The following AGBL4 variants were observed in gnomAD, a reference collection of about 807,000 sequenced individuals.
The protein encoded by AGBL4 is cytosolic carboxypeptidase 6.
A neutral mutation model predicts 66.4 loss-of-function variants in AGBL4; 58 were observed. That is an observed-to-expected ratio of 0.87 (90% CI 0.71 to 1.09). The LOEUF is 1.09. Ranked by LOEUF, AGBL4 falls within the 50% of genes least tolerant of loss-of-function variation. The pLI is 0.00. For missense variants in AGBL4, 579 were observed against 631.0 expected (o/e 0.92, Z 0.88); for synonymous variants, 234 against 222.9 (o/e 1.05, Z -0.44).
chr1:48,762,264 T>C (rs1644300228), intron 6 of AGBL4, among the ~76,000 whole-genome samples: 1 of 152,212 alleles, frequency 6.6e-6, no homozygotes, highest in Admixed American at 6.5e-5. Flanking sequence ...TATAAAAGGA[T>C]ATTATTTCTA....
At position 49,957,796 on chromosome 1, in the gene AGBL4, A is replaced by G. The variant is rs1380361687; in HGVS notation, c.34+65967T>C. Among the ~76,000 whole-genome samples, 5 of 151,908 alleles carry G rather than the reference A, an allele frequency of 3.3e-5. No homozygotes were observed. In the East Asian group the frequency reaches 7.7e-4, roughly 23 times the overall value. On this transcript the variant is annotated intron_variant, in intron 1 of 13. Transcript: ENST00000371839. ...TCTCCTGAATACAGCACACTGATGGATCTTGACTGTTTATCCAATTTGCCA... is the reference window on the plus strand; with the variant it reads ...TCTCCTGAATACAGCACACTGATGGGTCTTGACTGTTTATCCAATTTGCCA...
At chr1:49,561,459 C>T (rs887173205) in intron 3 of AGBL4, among the ~76,000 whole-genome samples, 1 of 151,620 alleles carries the variant, frequency 6.6e-6, no homozygotes, top group African/African-American at 2.4e-5. Context: ...CGTCCCCCCT[C>T]CCCCCAACCC....
At chr1:49,597,969 T>A (rs1402328502) in intron 3 of AGBL4, among the ~76,000 whole-genome samples, 1 of 152,188 alleles carries the variant, frequency 6.6e-6, no homozygotes, top group Non-Finnish European at 1.5e-5. Context: ...CAAACAGAGA[T>A]AATTTGACTT....
intron 1 of AGBL4, among the ~76,000 whole-genome samples, chr1:49,931,673 T>C (rs552738550): frequency 6.6e-6 from 1 of 152,244 alleles, no homozygotes; most frequent in East Asian, 1.9e-4. Flanking sequence ...CTAAACAGTA[T>C]CAGATGGCAA....
At chr1:48,704,880 T>C (rs1425797460) in intron 6 of AGBL4, among the ~76,000 whole-genome samples, 1 of 152,234 alleles carries the variant, frequency 6.6e-6, no homozygotes, top group African/African-American at 2.4e-5. Flanking sequence ...CAGTCATTCA[T>C]TATCATTATC....
At chr1:48,745,611 C>T (rs534906302) in intron 6 of AGBL4, among the ~76,000 whole-genome samples, 66 of 152,294 alleles carry the variant, frequency 4.3e-4, no homozygotes, top group African/African-American at 1.5e-3. Flanking sequence ...TTGTCCAGAA[C>T]ATTCTACCCC....
Position 49,468,916 on chromosome 1 carries a change from C to G in AGBL4, c.283-223052G>C, listed in dbSNP as rs542219462. Among the ~76,000 whole-genome samples the G allele has an allele frequency of 7.9e-5, 12 of 151,910 alleles. No individual in the cohort carries two copies. The South Asian group carries it at 2.5e-3, about 32-fold the overall frequency. On this transcript the variant is annotated intron_variant, in intron 3 of 13. Transcript: ENST00000371839. ...TACATTTGTGAAATATAAAATTTCTCAAGATCTCAGCTCTTTGGATGACTA... is the reference window on the plus strand; with the variant it reads ...TACATTTGTGAAATATAAAATTTCTGAAGATCTCAGCTCTTTGGATGACTA...
At chr1:49,466,681 C>T (rs1452393083) in intron 3 of AGBL4, among the ~76,000 whole-genome samples, 1 of 151,786 alleles carries the variant, frequency 6.6e-6, no homozygotes, top group Non-Finnish European at 1.5e-5. Flanking sequence ...ACACTAGGGG[C>T]TCCTTCTTAC....
intron 2 of AGBL4, chr1:49,846,057 A>C: frequency 1.9e-6 from 3 of 1,590,430 alleles, no homozygotes; most frequent in Non-Finnish European, 2.6e-6. Flanking sequence ...ATTCAGCATC[A>C]GAGGATCCAC....
intron 6 of AGBL4, among the ~76,000 whole-genome samples, chr1:48,809,738 AT>A (rs1295922260): frequency 6.6e-6 from 1 of 152,024 alleles, no homozygotes; most frequent in Non-Finnish European, 1.5e-5. Flanking sequence ...TAAACTCTAA[AT>A]TACTCTTAGG....
intron 9 of AGBL4, among the ~76,000 whole-genome samples, chr1:48,610,574 A>C (rs1645222370): frequency 6.6e-6 from 1 of 152,202 alleles, no homozygotes; most frequent in African/African-American, 2.4e-5. Context: ...AATGTTGTTA[A>C]GGGGCCACTT....
At chr1:48,683,403 AACTGG>A (rs1207279777) in intron 6 of AGBL4, among the ~76,000 whole-genome samples, 1 of 152,206 alleles carries the variant, frequency 6.6e-6, no homozygotes, top group African/African-American at 2.4e-5. Flanking sequence ...CTCAGCTTTC[AACTGG>A]ACTGACAGAG....
intron 3 of AGBL4, among the ~76,000 whole-genome samples, chr1:49,668,460 A>C (rs1009884136): frequency 1.3e-5 from 2 of 152,212 alleles, no homozygotes; most frequent in Non-Finnish European, 2.9e-5. Context: ...GAAATAAATT[A>C]AACTTTGCTC....
At chr1:49,609,319 G>A (rs1170409388) in intron 3 of AGBL4, among the ~76,000 whole-genome samples, 1 of 151,616 alleles carries the variant, frequency 6.6e-6, no homozygotes, top group East Asian at 1.9e-4. Context: ...TTGATGAGAA[G>A]GAATAAAAAT....
At chr1:49,577,039 G>A (rs1052501713) in intron 3 of AGBL4, among the ~76,000 whole-genome samples, 1 of 152,218 alleles carries the variant, frequency 6.6e-6, no homozygotes, top group Non-Finnish European at 1.5e-5. Context: ...TTCAAGGGCT[G>A]TAGCCAATTG....
intron 3 of AGBL4, among the ~76,000 whole-genome samples, chr1:49,648,928 AG>A (rs1645947057): frequency 6.6e-6 from 1 of 152,156 alleles, no homozygotes; most frequent in Non-Finnish European, 1.5e-5. Context: ...AAATAAGTGA[AG>A]GTAAAATGAA....
intron 1 of AGBL4, among the ~76,000 whole-genome samples, chr1:49,937,383 T>C (rs966275606): frequency 6.6e-6 from 1 of 151,738 alleles, no homozygotes; most frequent in Admixed American, 6.6e-5. Context: ...TCCCACACAA[T>C]AATAATGGGA....
intron 1 of AGBL4, among the ~76,000 whole-genome samples, chr1:49,928,319 C>T (rs1652998636): frequency 6.6e-6 from 1 of 152,070 alleles, no homozygotes. Context: ...GGCAGGATCT[C>T]AGCTCACTGC....
At chr1:49,385,050 A>G (rs935551224) in intron 3 of AGBL4, among the ~76,000 whole-genome samples, 2 of 152,222 alleles carry the variant, frequency 1.3e-5, no homozygotes, top group African/African-American at 4.8e-5. Context: ...GAAATAAGCC[A>G]GTCACAAAAA....
Sources: allele counts gnomAD v4.1 joint callset (sites outside exome capture counted in the v4.1 genomes callset), GRCh38; gene constraint gnomAD v4.1.1; transcripts MANE v1.5; gene names NCBI Gene and HGNC (gene_info 2026-07-23, HGNC 2026-07-21).